The following ZNF609 variants were observed in gnomAD, a reference collection of about 807,000 sequenced individuals.
ZNF609 encodes zinc finger protein 609.
A neutral mutation model predicts 109.5 loss-of-function variants in ZNF609; 11 were observed. The observed-to-expected ratio is 0.10, with a 90% confidence interval of 0.06 to 0.17. The LOEUF is 0.17. ZNF609 is among the 10% of genes least tolerant of loss of function. ZNF609 has a pLI of 1.00. For synonymous variants in ZNF609, 646 were observed against 662.0 expected (o/e 0.98, Z 0.37); for missense variants, 1,559 against 1,772.4 (o/e 0.88, Z 2.16).
intron 2 of ZNF609, among the ~76,000 whole-genome samples, chr15:64,613,796 C>G (rs958437374): frequency 6.6e-6 from 1 of 152,158 alleles, no homozygotes; most frequent in Non-Finnish European, 1.5e-5. Flanking sequence ...GATCCTCCCA[C>G]CTTGGCCTCC....
chr15:64,492,235 T>A (rs1266943901), intron 1 of ZNF609, among the ~76,000 whole-genome samples: 2 of 151,908 alleles, frequency 1.3e-5, no homozygotes, highest in Non-Finnish European at 2.9e-5. Flanking sequence ...AGAGTGAGAC[T>A]CTGTCTCAAA....
chr15:64,613,318 AC>A, intron 2 of ZNF609, among the ~76,000 whole-genome samples: 1 of 152,230 alleles, frequency 6.6e-6, no homozygotes. Context: ...CAGAAAAAAA[AC>A]GAAGAAGAAG....
chr15:64,623,085 T>C, intron 3 of ZNF609, 33 bp downstream of exon 3: 1 of 1,600,178 alleles, frequency 6.2e-7, no homozygotes, highest in Non-Finnish European at 8.6e-7. Flanking sequence ...CCCTCCCTTC[T>C]CAACCTGCTT....
intron 2 of ZNF609, among the ~76,000 whole-genome samples, chr15:64,505,619 G>C (rs1216031991): frequency 6.6e-6 from 1 of 152,108 alleles, no homozygotes; most frequent in African/African-American, 2.4e-5. Flanking sequence ...ATAAAACCAT[G>C]TACATCACCA....
chr15:64,632,469 TTTTTA>T (rs1438705343), intron 3 of ZNF609, among the ~76,000 whole-genome samples: 2 of 151,962 alleles, frequency 1.3e-5, no homozygotes, highest in South Asian at 2.1e-4. Context: ...TTGTTTGTTG[TTTTTA>T]TTTTATTTTT....
At chr15:64,549,879 G>GT (rs1470121250) in intron 2 of ZNF609, among the ~76,000 whole-genome samples, 2 of 152,124 alleles carry the variant, frequency 1.3e-5, no homozygotes, top group Admixed American at 1.3e-4. Context: ...TCAGTCTCCT[G>GT]TACCCAAGTG....
chr15:64,682,258 T>G lies in ZNF609; in HGVS notation c.*572T>G, dbSNP rs140864227. ...AAATTGGGGGTTGTTTTCTACATAA[T>G]TGTGAAAACAAGGTCTTCAAATGTG... is the stretch of plus-strand genomic sequence containing the variant. On this transcript the variant is annotated 3_prime_UTR_variant, in exon 10 of 10. Coordinates refer to ENST00000326648, the MANE Select transcript of ZNF609 (RefSeq NM_015042.2). 6.6e-6 allele frequency: 1 copy of G among 152,638 alleles called. No individual in the cohort carries two copies. The highest frequency in any genetic ancestry group is 6.5e-5 in the Admixed American group (1 of 15,284). 9.5% of individuals were successfully genotyped at this position (152,638 alleles called of 1,614,324 possible).
intron 2 of ZNF609, among the ~76,000 whole-genome samples, chr15:64,604,060 C>T (rs977789612): frequency 6.7e-6 from 1 of 148,958 alleles, no homozygotes; most frequent in Non-Finnish European, 1.5e-5. Context: ...CCCAGGTAGA[C>T]ACAAATGATT....
chr15:64,618,864 G>A (rs149314111), intron 2 of ZNF609, among the ~76,000 whole-genome samples: 27 of 152,290 alleles, frequency 1.8e-4, no homozygotes, highest in African/African-American at 6.5e-4. Context: ...TAGGGTCTGG[G>A]GAGTTTTTAT....
rs150855783 is a variant in ZNF609 at position 64,605,563 on chromosome 15, C to T, written c.748-17264C>T. Among the ~76,000 whole-genome samples the T allele has an allele frequency of 3.6e-3, 555 of 152,280 alleles. 2 individuals are homozygous for T. Among genetic ancestry groups the T allele is most frequent in the African/African-American group, 0.013 (526 of 41,548 alleles). ...TTACTGTATATAGCTAGGCACTGTA[C>T]ACTGAACACTTTACATTCAGTTAAT... On this transcript the variant is annotated intron_variant, in intron 2 of 9. Coordinates refer to ENST00000326648, the MANE Select transcript of ZNF609 (RefSeq NM_015042.2).
chr15:64,587,512 G>A (rs2140934912), intron 2 of ZNF609, among the ~76,000 whole-genome samples: 1 of 152,170 alleles, frequency 6.6e-6, no homozygotes, highest in African/African-American at 2.4e-5. Flanking sequence ...GGAAAATTGT[G>A]GTGTATTTGT....
At chr15:64,536,726 C>G (rs1263261984) in intron 2 of ZNF609, among the ~76,000 whole-genome samples, 2 of 145,278 alleles carry the variant, frequency 1.4e-5, no homozygotes, top group East Asian at 2.1e-4. Flanking sequence ...AAATTCCACC[C>G]CCCCCCCCAA....
chr15:64,570,402 A>G (rs956733073), intron 2 of ZNF609, among the ~76,000 whole-genome samples: 4 of 152,242 alleles, frequency 2.6e-5, no homozygotes, highest in Non-Finnish European at 4.4e-5. Flanking sequence ...TCTCAAAGCA[A>G]TAGATACCAG....
chr15:64,672,006 C>CTTTTTTTT (rs771330218), intron 4 of ZNF609, among the ~76,000 whole-genome samples: 19 of 86,750 alleles, frequency 2.2e-4, no homozygotes, highest in African/African-American at 5.6e-4. Flanking sequence ...GAGGCTTAGA[C>CTTTTTTTT]TTTTTTTTTT....
rs1567047099 is a variant in ZNF609 at position 64,680,700 on chromosome 15, G to A, written c.4000G>A (p.Gly1334Ser). 2 of 1,612,772 alleles carry A rather than the reference G, an allele frequency of 1.2e-6. No individual in the cohort carries two copies. Among genetic ancestry groups the A allele is most frequent in the Non-Finnish European group, 1.7e-6 (2 of 1,179,524 alleles). ...TCGAGGAGGCTGTGGGGTGGTTGGG[G>A]GTGGTGGCAGCTGTAGCAGCGTCGG... ...RDRGGCGVVG[G>S]GGSCSSVGGA... The change falls in exon 8 of 10, where the codon GGT (glycine) becomes AGT (serine). Residue 1334 changes from glycine (G) to serine (S), a missense_variant. Physicochemically the swap from Gly to Ser is moderately conservative, Grantham distance 56. Coordinates refer to ENST00000326648, the MANE Select transcript of ZNF609 (RefSeq NM_015042.2).
At chr15:64,580,955 C>CTTTTTTTTTTT (rs57690590) in intron 2 of ZNF609, among the ~76,000 whole-genome samples, 2 of 58,744 alleles carry the variant, frequency 3.4e-5, no homozygotes, top group African/African-American at 1.6e-4. Flanking sequence ...TCAATGTCTT[C>CTTTTTTTTTTT]TTTTTTTTTT....
chr15:64,547,650 C>CT (rs569047024), intron 2 of ZNF609, among the ~76,000 whole-genome samples: 85 of 145,630 alleles, frequency 5.8e-4, no homozygotes, highest in Admixed American at 8.3e-4. Flanking sequence ...CCACTTACCA[C>CT]TTTTTTTTTT....
intron 3 of ZNF609, among the ~76,000 whole-genome samples, chr15:64,649,261 C>T (rs935424843): frequency 5.3e-5 from 8 of 151,958 alleles, no homozygotes; most frequent in African/African-American, 1.9e-4. Flanking sequence ...TATTTTAATG[C>T]CATAAACTCA....
chr15:64,497,205 T>G (rs1487950107), intron 1 of ZNF609, among the ~76,000 whole-genome samples: 1 of 152,212 alleles, frequency 6.6e-6, no homozygotes, highest in Non-Finnish European at 1.5e-5. Context: ...ACCCCCACTT[T>G]TTGCTCATCT....
Sources: allele counts gnomAD v4.1 joint callset (sites outside exome capture counted in the v4.1 genomes callset), GRCh38; gene constraint gnomAD v4.1.1; transcripts MANE v1.5; gene names NCBI Gene and HGNC (gene_info 2026-07-23, HGNC 2026-07-21).